NR2F1: variants seen among roughly 807,000 people sequenced by gnomAD.
NR2F1 encodes COUP transcription factor 1.
In NR2F1, 1 loss-of-function variant was observed where a neutral mutation model predicts 37.7. That is an observed-to-expected ratio of 0.03 (90% CI 0.01 to 0.13). The LOEUF is 0.13. NR2F1 is among the 10% of genes least tolerant of loss of function. NR2F1 has a pLI of 1.00. For missense variants in NR2F1, 268 were observed against 578.4 expected, an observed-to-expected ratio of 0.46 and a Z score of 5.50; for synonymous variants, 275 against 259.6, an observed-to-expected ratio of 1.06 and a Z score of -0.57.
At position 93,593,676 on chromosome 5, in the gene NR2F1, A is replaced by C; in HGVS notation, c.1106A>C (p.Lys369Thr). 1 of 1,614,144 alleles carries C rather than the reference A, an allele frequency of 6.2e-7. No homozygotes were observed. Among genetic ancestry groups the C allele is most frequent in the Non-Finnish European group, 8.5e-7 (1 of 1,180,016 alleles). ...CCCAACCAGCCCAGCCGTTTTGGCA[A>C]ACTGCTGCTGCGACTGCCCTCGCTG... ...QYPNQPSRFG[K>T]LLLRLPSLRT... Residue 369 changes from lysine to threonine, a missense_variant, in exon 3 of 3, where the codon AAA becomes ACA. Lys to Thr is a moderately conservative substitution (Grantham distance 78, BLOSUM62 -1). This residue lies in a region of NR2F1 where 99 missense variants were observed against 191.9 expected (regional missense o/e 0.52). Coordinates refer to ENST00000327111, the MANE Select transcript of NR2F1 (RefSeq NM_005654.6). This position sits in a 1 kb window ranked among gnomAD's most constrained non-coding sequence, Gnocchi z 5.6.
chr5:93,588,242 C>T lies in NR2F1; in HGVS notation c.789C>T (p.Asn263=). The change falls in exon 2 of 3, where the codon AAC becomes AAT. Residue 263 remains asparagine, a synonymous_variant. Coordinates refer to ENST00000327111, the MANE Select transcript of NR2F1 (RefSeq NM_005654.6). Reference sequence around the variant, plus strand: ...CCTGGAGCGAGCTGTTCGTGCTCAACGCGGCCCAGTGCTCTATGCCGCTGC... The same window carrying T: ...CCTGGAGCGAGCTGTTCGTGCTCAATGCGGCCCAGTGCTCTATGCCGCTGC... ...RLTWSELFVL[N]AAQCSMPLHV... 4 of 1,613,866 alleles carry T rather than the reference C, an allele frequency of 2.5e-6. No homozygotes were observed. The highest frequency in any genetic ancestry group is 3.4e-6 in the Non-Finnish European group (4 of 1,179,980).
At position 93,594,087 on chromosome 5, in the gene NR2F1, C is replaced by G; in HGVS notation, c.*245C>G. On this transcript the variant is annotated 3_prime_UTR_variant, in exon 3 of 3. Transcript: ENST00000327111. Reference sequence around the variant, plus strand: ...CGTTGGCGAGGAAAAACAAAACAAACAAAAAAAAGAACCTTGTGTCTGTCT... The same window carrying G: ...CGTTGGCGAGGAAAAACAAAACAAAGAAAAAAAAGAACCTTGTGTCTGTCT... 2.3e-6 allele frequency: 1 copy of G among 436,308 alleles called. No individual in the cohort carries two copies. The allele number at this position is 436,308 out of a possible 1,614,324, so 27.0% of individuals were successfully genotyped here. A position where few individuals can be genotyped will look rare whatever the true frequency, so the allele number is the denominator to read the frequency against.
In NR2F1 at chr5:93,584,415, C is replaced by G. The variant is rs1029269248; in HGVS notation, c.-609C>G. 2 of 148,786 alleles carry G rather than the reference C, an allele frequency of 1.3e-5. No homozygotes were observed. The highest frequency in any genetic ancestry group is 4.9e-5 in the African/African-American group (2 of 41,036). 9.2% of individuals were successfully genotyped at this position (148,786 alleles called of 1,614,324 possible). ...CCCGAGCGGCCGGCGGGCGGGCGCC[C>G]GGCGCGGGTGAGCGACTGTGTGTGC... On this transcript the variant is annotated 5_prime_UTR_variant, in exon 1 of 3. Transcript: ENST00000327111.
At position 93,584,022 on chromosome 5, in the gene NR2F1, T is replaced by C. The variant is rs1753176520; in HGVS notation, c.-1002T>C. On this transcript the variant is annotated 5_prime_UTR_variant, in exon 1 of 3. It removes an upstream start codon present in the reference 5' UTR. Coordinates refer to ENST00000327111, the MANE Select transcript of NR2F1 (RefSeq NM_005654.6). ...CGCTCTCCAGCGCTGCCTTCCTGAA[T>C]GGCTGGCTGCGTCCGGCCCTGGACC... 6.6e-6 allele frequency: 1 copy of C among 151,784 alleles called. No individual in the cohort carries two copies. Among genetic ancestry groups the C allele is most frequent in the African/African-American group, 2.4e-5 (1 of 41,224 alleles). The allele number at this position is 151,784 out of a possible 1,614,324, so 9.4% of individuals were successfully genotyped here.
chr5:93,585,659 C>T (rs1753217928), intron 1 of NR2F1, 173 bp downstream of exon 1: 1 of 605,820 alleles, frequency 1.7e-6, no homozygotes, highest in Non-Finnish European at 2.9e-6. Flanking sequence ...CCGCCCTCCC[C>T]AGCTCGCTGC....
chr5:93,589,085 C>G (rs1043240202), intron 2 of NR2F1, among the ~76,000 whole-genome samples: 3 of 151,940 alleles, frequency 2.0e-5, no homozygotes, highest in Admixed American at 6.6e-5. Flanking sequence ...TATTGAGGGT[C>G]GTAAAAAACG....
At chr5:93,590,222 C>T (rs536884947) in intron 2 of NR2F1, among the ~76,000 whole-genome samples, 22 of 152,256 alleles carry the variant, frequency 1.4e-4, no homozygotes, top group African/African-American at 5.3e-4. Flanking sequence ...TCTCATCCAG[C>T]GAGGTGTCTT....
intron 2 of NR2F1, among the ~76,000 whole-genome samples, chr5:93,589,084 T>C (rs1459727167): frequency 6.6e-6 from 1 of 152,102 alleles, no homozygotes; most frequent in African/African-American, 2.4e-5. Context: ...TTATTGAGGG[T>C]CGTAAAAAAC....
At position 93,584,960 on chromosome 5, in the gene NR2F1, C is replaced by T. The variant is rs1434211779; in HGVS notation, c.-64C>T. 6 of 691,504 alleles carry T rather than the reference C, an allele frequency of 8.7e-6. No homozygotes were observed. Among genetic ancestry groups the T allele is most frequent in the Non-Finnish European group, 1.1e-5 (6 of 563,234 alleles). The allele number at this position is 691,504 out of a possible 1,614,324, so 42.8% of individuals were successfully genotyped here. A position where few individuals can be genotyped will look rare whatever the true frequency, so the allele number is the denominator to read the frequency against. On this transcript the variant is annotated 5_prime_UTR_variant, in exon 1 of 3. Coordinates refer to ENST00000327111, the MANE Select transcript of NR2F1 (RefSeq NM_005654.6). ...CCTTCCCCTTCCCCTCCCAGCGCGC[C>T]CGCGCGCCCCGCGGCCCTCGGCGAG... is the stretch of plus-strand genomic sequence containing the variant.
Position 93,594,346 on chromosome 5 carries a change from C to T in NR2F1, c.*504C>T, listed in dbSNP as rs758830153. The T allele has an allele frequency of 7.9e-5, 12 of 152,232 alleles. No individual in the cohort carries two copies. Among genetic ancestry groups the T allele is most frequent in the Admixed American group, 7.9e-4 (12 of 15,262 alleles). 9.4% of individuals were successfully genotyped at this position (152,232 alleles called of 1,614,324 possible). On this transcript the variant is annotated 3_prime_UTR_variant, in exon 3 of 3. Coordinates refer to ENST00000327111, the MANE Select transcript of NR2F1 (RefSeq NM_005654.6). ...TTCATTTTTTGTAAAATTTAAACAT[C>T]GTATGCGCATAAAGAAAAAGGAAAC...
In NR2F1 at chr5:93,593,467, T is replaced by TA. The variant is rs1207261104; in HGVS notation, c.992-87dup. The TA allele has an allele frequency of 7.7e-5, 101 of 1,308,534 alleles. No individual in the cohort carries two copies. Among genetic ancestry groups the TA allele is most frequent in the Middle Eastern group, 5.1e-4 (2 of 3,924 alleles). 81.1% of individuals were successfully genotyped at this position (1,308,534 alleles called of 1,614,324 possible). A position where few individuals can be genotyped will look rare whatever the true frequency, so the allele number is the denominator to read the frequency against. On this transcript the variant is annotated intron_variant, in intron 2 of 2. Transcript: ENST00000327111. This position sits in a 1 kb window ranked among gnomAD's most constrained non-coding sequence, Gnocchi z 5.6. ...TCTTTTTTATTTTCCATTTTCTCCT[T>TA]AAAAAAAATTGATGGCTTATTTTGC...
chr5:93,584,176 GCGGCCC>G lies in NR2F1; in HGVS notation c.-842_-837del, dbSNP rs1249306170. 1 of 148,778 alleles carries G rather than the reference GCGGCCC, an allele frequency of 6.7e-6. No homozygotes were observed. 9.2% of individuals were successfully genotyped at this position (148,778 alleles called of 1,614,324 possible). A position where few individuals can be genotyped will look rare whatever the true frequency, so the allele number is the denominator to read the frequency against. ...CGCCGGGACAGCGGCGGCGCCGCGGGCGGCCCCGGCCTCCGCTCGCGCTCCGGCTGC... is the reference window on the plus strand; with the variant it reads ...CGCCGGGACAGCGGCGGCGCCGCGGGCGGCCTCCGCTCGCGCTCCGGCTGC... On this transcript the variant is annotated 5_prime_UTR_variant, in exon 1 of 3. Transcript: ENST00000327111.
In NR2F1 at chr5:93,584,269, G is replaced by C. The variant is rs1753183107; in HGVS notation, c.-755G>C. 1 of 149,276 alleles carries C rather than the reference G, an allele frequency of 6.7e-6. No individual in the cohort carries two copies. Among genetic ancestry groups the C allele is most frequent in the Non-Finnish European group, 1.5e-5 (1 of 66,798 alleles). 9.2% of individuals were successfully genotyped at this position (149,276 alleles called of 1,614,324 possible). A position where few individuals can be genotyped will look rare whatever the true frequency, so the allele number is the denominator to read the frequency against. ...GGCTCCTCCAGCGGCGCTCGCCGCA[G>C]CAGCTCCGGCGGCAGCTCCAGCGGC... is the stretch of plus-strand genomic sequence containing the variant. On this transcript the variant is annotated 5_prime_UTR_variant, in exon 1 of 3. Coordinates refer to ENST00000327111, the MANE Select transcript of NR2F1 (RefSeq NM_005654.6).
At position 93,587,867 on chromosome 5, in the gene NR2F1, G is replaced by T. The variant is rs1244853766; in HGVS notation, c.464-50G>T. 6 of 1,518,058 alleles carry T rather than the reference G, an allele frequency of 4.0e-6. No individual in the cohort carries two copies. The South Asian group carries it at 7.8e-5, about 20-fold the overall frequency. The allele number at this position is 1,518,058 out of a possible 1,614,324, so 94.0% of individuals were successfully genotyped here. ...GGTACGCTGCGGCGCGGCAATGTTC[G>T]CAAGCTCCCTGGATGCACATTGCCT... On this transcript the variant is annotated intron_variant, in intron 1 of 2. Coordinates refer to ENST00000327111, the MANE Select transcript of NR2F1 (RefSeq NM_005654.6).
In NR2F1 at chr5:93,588,395, C is replaced by T; in HGVS notation, c.942C>T (p.Val314=). 2.5e-6 allele frequency: 4 copies of T among 1,612,532 alleles called. No individual in the cohort carries two copies. Among genetic ancestry groups the T allele is most frequent in the Non-Finnish European group, 3.4e-6 (4 of 1,179,652 alleles). Residue 314 remains valine, a synonymous_variant, in exon 2 of 3, where the codon GTC becomes GTT. Coordinates refer to ENST00000327111, the MANE Select transcript of NR2F1 (RefSeq NM_005654.6). The stretch of plus-strand genomic sequence containing the variant: ...TGGAGAAGCTCAAGGCGCTACACGT[C>T]GACTCAGCCGAGTACAGCTGCCTCA... The part of the protein sequence containing the change: ...EQVEKLKALH[V]DSAEYSCLKA...
Position 93,593,996 on chromosome 5 carries a change from C to G in NR2F1, c.*154C>G, listed in dbSNP as rs1753380612. 1.6e-6 allele frequency: 1 copy of G among 633,208 alleles called. No individual in the cohort carries two copies. Among genetic ancestry groups the G allele is most frequent in the Non-Finnish European group, 2.7e-6 (1 of 365,722 alleles). 39.2% of individuals were successfully genotyped at this position (633,208 alleles called of 1,614,324 possible). ...GCCGAGACAGGAGCAGCCCACCCAGCAGAAATACAATCCGAGCTACAAAGC... is the reference window on the plus strand; with the variant it reads ...GCCGAGACAGGAGCAGCCCACCCAGGAGAAATACAATCCGAGCTACAAAGC... On this transcript the variant is annotated 3_prime_UTR_variant, in exon 3 of 3. Coordinates refer to ENST00000327111, the MANE Select transcript of NR2F1 (RefSeq NM_005654.6). This position sits in a 1 kb window ranked among gnomAD's most constrained non-coding sequence, Gnocchi z 5.6.
At position 93,594,286 on chromosome 5, in the gene NR2F1, A is replaced by G. The variant is rs2149946466; in HGVS notation, c.*444A>G. On this transcript the variant is annotated 3_prime_UTR_variant, in exon 3 of 3. Coordinates refer to ENST00000327111, the MANE Select transcript of NR2F1 (RefSeq NM_005654.6). ...ATGTAGAAACACACACACACTGAAC[A>G]TTGTTATTCATTTTGTAAAATACTA... 6.4e-6 allele frequency: 1 copy of G among 155,402 alleles called. No individual in the cohort carries two copies. Among genetic ancestry groups the G allele is most frequent in the East Asian group, 1.9e-4 (1 of 5,268 alleles). The allele number at this position is 155,402 out of a possible 1,614,324, so 9.6% of individuals were successfully genotyped here.
At position 93,585,269 on chromosome 5, in the gene NR2F1, G is replaced by A; in HGVS notation, c.246G>A (p.Gln82=). Residue 82 remains glutamine (Q), a synonymous_variant, in exon 1 of 3, where the codon CAG becomes CAA. Transcript: ENST00000327111. ...QGPPGSGQSQ[Q]HIECVVCGDK... Reference sequence around the variant, plus strand: ...CGCCCGGTTCGGGCCAGAGCCAGCAGCACATCGAGTGCGTGGTGTGCGGGG... The same window carrying A: ...CGCCCGGTTCGGGCCAGAGCCAGCAACACATCGAGTGCGTGGTGTGCGGGG... 2 of 1,594,094 alleles carry A rather than the reference G, an allele frequency of 1.3e-6. No individual in the cohort carries two copies. The highest frequency in any genetic ancestry group is 8.5e-7 in the Non-Finnish European group (1 of 1,170,240).
intron 1 of NR2F1, among the ~76,000 whole-genome samples, 184 bp from the exon 2 acceptor site, chr5:93,587,733 G>C (rs1171846030): frequency 6.6e-6 from 1 of 152,230 alleles, no homozygotes; most frequent in Non-Finnish European, 1.5e-5. Context: ...CTGAGCTGTG[G>C]AGCTGGAGGG....
Sources: gnomAD v4.1 joint callset for allele counts (sites outside exome capture counted in the v4.1 genomes callset) on GRCh38, gnomAD v4.1.1 for gene constraint, gnomAD v4.1.1 regional missense constraint, Gnocchi (gnomAD v3.1) non-coding constraint, MANE v1.5 for transcripts, NCBI Gene and HGNC (gene_info 2026-07-23, HGNC 2026-07-21) for gene names.